The following ASTN1 variants were observed in gnomAD, a reference collection of about 807,000 sequenced individuals.
ASTN1 encodes astrotactin 1.
In ASTN1, 41 loss-of-function variants were observed where a neutral mutation model predicts 140.7. The ratio of observed to expected loss-of-function variants is 0.29; its 90% CI spans 0.23 to 0.38. The LOEUF is 0.38. Among genes scored for constraint, ASTN1 ranks in the 10% least tolerant of loss-of-function variants. The pLI, the probability that ASTN1 is intolerant of heterozygous loss-of-function variation, is 1.00. For missense variants in ASTN1, 1,479 were observed against 1,678.8 expected, an observed-to-expected ratio of 0.88 and a Z score of 2.08; for synonymous variants, 640 against 652.2, an observed-to-expected ratio of 0.98 and a Z score of 0.29.
At chr1:176,871,361 C>G (rs1234344536) in intron 21 of ASTN1, among the ~76,000 whole-genome samples, 1 of 152,132 alleles carries the variant, frequency 6.6e-6, no homozygotes, top group African/African-American at 2.4e-5. Context: ...ATCTGGACTT[C>G]CTCTCCCACC....
Position 177,023,503 on chromosome 1 carries a change from C to A in ASTN1, c.1339G>T (p.Val447Phe). The change falls in exon 7 of 23, where the codon GTT becomes TTT. Residue 447 changes from valine to phenylalanine, a missense_variant. Physicochemically the swap from Val to Phe is conservative, Grantham distance 50. Around this residue, in one of 3 missense-constraint regions of ASTN1, gnomAD observed 729 missense variants for 860.4 expected, o/e 0.85. Transcript: ENST00000361833. The stretch of plus-strand genomic sequence containing the variant: ...CTGGAGTTCTGCTGAGAGAAGAGAA[C>A]CACTTGGGCAGGGTTCAGCCAGTCA... ...ASDWLNPAQV[V>F]LFSQQNSSGP... is the part of the protein sequence containing the mutation. 2 of 1,612,418 alleles carry A rather than the reference C, an allele frequency of 1.2e-6. No individual in the cohort carries two copies. Among genetic ancestry groups the A allele is most frequent in the Non-Finnish European group, 1.7e-6 (2 of 1,179,384 alleles).
chr1:177,003,767 G>T (rs1005925849), intron 8 of ASTN1, among the ~76,000 whole-genome samples: 1 of 151,108 alleles, frequency 6.6e-6, no homozygotes, highest in African/African-American at 2.4e-5. Flanking sequence ...AGCCAAGATT[G>T]CCCCACTGCA....
At chr1:176,876,427 C>T in intron 21 of ASTN1, 110 bp downstream of exon 21, 3 of 1,147,872 alleles carry the variant, frequency 2.6e-6, no homozygotes, top group Non-Finnish European at 3.8e-6. Flanking sequence ...TCCTTCCCTG[C>T]TGAACTCCAG....
chr1:176,886,180 C>T (rs930488953), intron 18 of ASTN1, among the ~76,000 whole-genome samples: 2 of 152,152 alleles, frequency 1.3e-5, no homozygotes, highest in African/African-American at 4.8e-5. Flanking sequence ...AGTATATTTT[C>T]GTTTCCCACT....
intron 1 of ASTN1, among the ~76,000 whole-genome samples, chr1:177,146,922 G>A (rs1682744442): frequency 6.6e-6 from 1 of 152,094 alleles, no homozygotes; most frequent in Admixed American, 6.5e-5. Flanking sequence ...TGCTTTCTGT[G>A]TGTACCCCCC....
chr1:176,884,474 C>A lies in ASTN1; in HGVS notation c.3091G>T (p.Val1031Phe), dbSNP rs770951753. Reference protein sequence around the residue: ...LPQPVLRLSTVHEPSSTLVVL... With the variant: ...LPQPVLRLSTFHEPSSTLVVL... ...ACAAGAGTGCTGCTGGGCTCGTGAA[C>A]CGTGGAGAGTCTCAGCCTGTGTGCA... The change falls in exon 19 of 23, where the codon GTT becomes TTT. Residue 1031 changes from valine (V) to phenylalanine (F), a missense_variant. Around this residue, in one of 3 missense-constraint regions of ASTN1, gnomAD observed 746 missense variants for 800.9 expected, o/e 0.93. Transcript: ENST00000361833. 6.2e-7 allele frequency: 1 copy of A among 1,612,960 alleles called. No individual in the cohort carries two copies. The highest frequency in any genetic ancestry group is 1.7e-5 in the Admixed American group (1 of 59,982).
intron 2 of ASTN1, among the ~76,000 whole-genome samples, chr1:177,039,344 A>G (rs187060725): frequency 5.9e-5 from 9 of 152,366 alleles, no homozygotes; most frequent in Non-Finnish European, 4.4e-5. Flanking sequence ...CTAAATACCA[A>G]TGACCCAAGG....
Position 176,894,644 on chromosome 1 carries a change from T to A in ASTN1, c.2858A>T (p.Asp953Val). 1.2e-6 allele frequency: 2 copies of A among 1,613,958 alleles called. No individual in the cohort carries two copies. The highest frequency in any genetic ancestry group is 1.7e-6 in the Non-Finnish European group (2 of 1,179,996). ...CAGCAGAACCGGCTCAGCAGGGGTG[T>A]CAGGGCTGGATGTCACATGACACAG... ...CPLCHVTSSPDTPAEPVLLEV... is the reference protein window; with the variant it reads ...CPLCHVTSSPVTPAEPVLLEV... Residue 953 changes from aspartate to valine, a missense_variant, in exon 17 of 23, where the codon GAC becomes GTC. By Grantham distance (152) the Asp-to-Val change is radical (BLOSUM62 -3). Coordinates refer to ENST00000361833, the MANE Select transcript of ASTN1 (RefSeq NM_004319.3).
At chr1:177,052,264 G>T (rs1300707947) in intron 2 of ASTN1, among the ~76,000 whole-genome samples, 1 of 152,102 alleles carries the variant, frequency 6.6e-6, no homozygotes, top group Non-Finnish European at 1.5e-5. Flanking sequence ...TGGCCCCTGG[G>T]TCACACATTG....
Position 177,007,120 on chromosome 1 carries a change from C to T in ASTN1, c.1523+7671G>A, listed in dbSNP as rs192582825. ...CCCAATTAATAAAAGGTGCCAGGTG[C>T]GGTGGTTCACGCTTGTAATCTCAGC... On this transcript the variant is annotated intron_variant, in intron 8 of 22. Transcript: ENST00000361833. Among the ~76,000 whole-genome samples, 427 of 152,256 alleles carry T rather than the reference C, an allele frequency of 2.8e-3. 4 individuals carry two copies. Among genetic ancestry groups the T allele is most frequent in the Non-Finnish European group, 1.5e-3 (105 of 68,016 alleles).
chr1:177,139,210 G>A (rs1391763258), intron 1 of ASTN1, among the ~76,000 whole-genome samples: 1 of 152,196 alleles, frequency 6.6e-6, no homozygotes, highest in Non-Finnish European at 1.5e-5. Context: ...TCTTATACAT[G>A]AGCTTACCTC....
At chr1:176,991,437 A>C (rs1442472938) in intron 8 of ASTN1, among the ~76,000 whole-genome samples, 24 of 12,382 alleles carry the variant, frequency 1.9e-3, no homozygotes, top group African/African-American at 9.8e-3. Flanking sequence ...AAAAAAAACC[A>C]AAAAAAAAAA....
chr1:176,917,940 T>A (rs1299028426), intron 16 of ASTN1, among the ~76,000 whole-genome samples: 3 of 152,198 alleles, frequency 2.0e-5, no homozygotes, highest in Non-Finnish European at 1.5e-5. Flanking sequence ...CTAATAATTT[T>A]AAACTCCTGC....
chr1:176,857,480 C>G, downstream of ASTN1: 1 of 416,490 alleles, frequency 2.4e-6, no homozygotes, highest in Non-Finnish European at 4.3e-6. Context: ...AACATCAGGG[C>G]GCAGCTCCTG....
At chr1:177,089,640 T>C (rs1679645169) in intron 1 of ASTN1, among the ~76,000 whole-genome samples, 1 of 152,048 alleles carries the variant, frequency 6.6e-6, no homozygotes. Context: ...TGAAGGGCTG[T>C]TTTGTCTTTG....
chr1:177,100,358 T>C (rs545433696), intron 1 of ASTN1, among the ~76,000 whole-genome samples: 11 of 152,098 alleles, frequency 7.2e-5, no homozygotes, highest in Non-Finnish European at 1.3e-4. Flanking sequence ...CTAAATATCA[T>C]TCATTAAAAC....
At chr1:176,951,023 C>T (rs544351628) in intron 11 of ASTN1, among the ~76,000 whole-genome samples, 4 of 152,290 alleles carry the variant, frequency 2.6e-5, no homozygotes, top group Admixed American at 2.6e-4. Flanking sequence ...CATCACCAGG[C>T]AGGATATGCA....
intron 20 of ASTN1, among the ~76,000 whole-genome samples, chr1:176,881,212 C>T (rs1360647424): frequency 6.6e-6 from 1 of 152,150 alleles, no homozygotes; most frequent in Admixed American, 6.5e-5. Flanking sequence ...TTCCTTAGCC[C>T]CCTGCATTGG....
chr1:176,862,362 G>A lies in ASTN1; in HGVS notation c.*1922C>T. 1.0e-5 allele frequency: 10 copies of A among 985,496 alleles called. No individual in the cohort carries two copies. The highest frequency in any genetic ancestry group is 1.2e-5 in the Non-Finnish European group (10 of 830,002). 61.0% of individuals were successfully genotyped at this position (985,496 alleles called of 1,614,324 possible). A position where few individuals can be genotyped will look rare whatever the true frequency, so the allele number is the denominator to read the frequency against. On this transcript the variant is annotated 3_prime_UTR_variant, in exon 23 of 23. Transcript: ENST00000361833. ...TCCTTCCCAGTCATGAGGGTGGGGA[G>A]GAGGGCCATGTGCAGTGGAACTAGG...
Sources: gnomAD v4.1 joint callset for allele counts (sites outside exome capture counted in the v4.1 genomes callset) on GRCh38, gnomAD v4.1.1 for gene constraint, gnomAD v4.1.1 regional missense constraint, MANE v1.5 for transcripts, NCBI Gene and HGNC (gene_info 2026-07-23, HGNC 2026-07-21) for gene names.